The following GRIN2B variants were observed in gnomAD, a reference collection of about 807,000 sequenced individuals.
GRIN2B encodes glutamate ionotropic receptor NMDA type subunit 2B.
GRIN2B carries 5 observed loss-of-function variants against 114.5 expected under a neutral mutation model. That is an observed-to-expected ratio of 0.04 (90% CI 0.02 to 0.09). The LOEUF (loss-of-function observed/expected upper bound fraction) is 0.09. GRIN2B is among the 10% of genes least tolerant of loss of function. GRIN2B has a pLI of 1.00. For synonymous variants in GRIN2B, 787 were observed against 745.1 expected, an observed-to-expected ratio of 1.06 and a Z score of -0.92; for missense variants, 1,108 against 1,943.5, an observed-to-expected ratio of 0.57 and a Z score of 8.08.
At chr12:13,629,195 C>A (rs767977010) in intron 5 of GRIN2B, among the ~76,000 whole-genome samples, 9 of 152,188 alleles carry the variant, frequency 5.9e-5, no homozygotes, top group Non-Finnish European at 8.8e-5. Flanking sequence ...CCAGGGTCGA[C>A]CACTCTTCTA....
At chr12:13,625,549 A>G (rs1022558271) in intron 5 of GRIN2B, among the ~76,000 whole-genome samples, 1 of 152,260 alleles carries the variant, frequency 6.6e-6, no homozygotes, top group East Asian at 1.9e-4. Flanking sequence ...CCTTCTCATT[A>G]TAACTATTAC....
intron 3 of GRIN2B, among the ~76,000 whole-genome samples, chr12:13,758,998 A>AGTTTTTTTTTT (rs771891565): frequency 1.2e-5 from 1 of 85,624 alleles, no homozygotes; most frequent in African/African-American, 4.9e-5. Context: ...ATCTAGTTCA[A>AGTTTTTTTTTT]TTTTTTTTTT....
At chr12:13,838,218 T>A (rs1221126441) in intron 3 of GRIN2B, among the ~76,000 whole-genome samples, 1 of 152,102 alleles carries the variant, frequency 6.6e-6, no homozygotes, top group Non-Finnish European at 1.5e-5. Context: ...AAACACTACT[T>A]AAAATTCTCC....
At chr12:13,617,099 G>A (rs11055546) in intron 5 of GRIN2B, among the ~76,000 whole-genome samples, 33 of 152,310 alleles carry the variant, frequency 2.2e-4, no homozygotes, top group African/African-American at 5.5e-4. Context: ...ATGATGGTGA[G>A]AGCAGCAGAT....
chr12:13,860,949 A>G (rs761677297), intron 3 of GRIN2B, among the ~76,000 whole-genome samples: 1 of 152,104 alleles, frequency 6.6e-6, no homozygotes, highest in Non-Finnish European at 1.5e-5. Context: ...GTTGTCATTG[A>G]CTCTGTCATT....
At position 13,552,912 on chromosome 12, in the gene GRIN2B, A is replaced by G. The variant is rs1285705266; in HGVS notation, c.*9871T>C. ...GACTTTCTTCACTTTTTTTTTAAAAAAAGAGACTTGTCACTGCCTGTAACT... is the reference window on the plus strand; with the variant it reads ...GACTTTCTTCACTTTTTTTTTAAAAGAAGAGACTTGTCACTGCCTGTAACT... On this transcript the variant is annotated 3_prime_UTR_variant, in exon 14 of 14. Transcript: ENST00000609686. 7.2e-5 allele frequency: 11 copies of G among 152,092 alleles called. No homozygotes were observed. The allele number at this position is 152,092 out of a possible 1,614,324, so 9.4% of individuals were successfully genotyped here. A position where few individuals can be genotyped will look rare whatever the true frequency, so the allele number is the denominator to read the frequency against.
chr12:13,732,371 T>C (rs1483199956), intron 4 of GRIN2B, among the ~76,000 whole-genome samples: 3 of 152,204 alleles, frequency 2.0e-5, no homozygotes, highest in Non-Finnish European at 4.4e-5. Context: ...AATATAACCC[T>C]CACATAAACA....
intron 2 of GRIN2B, among the ~76,000 whole-genome samples, chr12:13,930,308 G>C (rs919368845): frequency 6.6e-6 from 1 of 152,110 alleles, no homozygotes; most frequent in African/African-American, 2.4e-5. Context: ...ATAAATACAT[G>C]GGATCTTGAT....
chr12:13,719,037 T>C (rs554196460), intron 4 of GRIN2B, among the ~76,000 whole-genome samples: 4 of 152,140 alleles, frequency 2.6e-5, no homozygotes, highest in East Asian at 3.9e-4. Context: ...CCCACCCACA[T>C]GCCTGTTGTC....
At chr12:13,877,853 A>G (rs746198542) in intron 2 of GRIN2B, among the ~76,000 whole-genome samples, 1 of 152,070 alleles carries the variant, frequency 6.6e-6, no homozygotes, top group Non-Finnish European at 1.5e-5. Flanking sequence ...ACTTGAGGTC[A>G]GGAGATTGAG....
At position 13,782,088 on chromosome 12, in the gene GRIN2B, A is replaced by C. The variant is rs77477965; in HGVS notation, c.412-28173T>G. Among the ~76,000 whole-genome samples the C allele has an allele frequency of 7.7e-3, 1,172 of 152,334 alleles. 19 individuals are homozygous for C. The highest frequency in any genetic ancestry group is 0.026 in the African/African-American group (1,100 of 41,578). On this transcript the variant is annotated intron_variant, in intron 3 of 13. Coordinates refer to ENST00000609686, the MANE Select transcript of GRIN2B (RefSeq NM_000834.5). ...AATTATGTCAACAGAGTTATGGGCT[A>C]GACTTTGAGCTAGTGAGGTTGAACG...
intron 2 of GRIN2B, among the ~76,000 whole-genome samples, chr12:13,912,853 G>C (rs1037819626): frequency 6.6e-6 from 1 of 152,012 alleles, no homozygotes; most frequent in Non-Finnish European, 1.5e-5. Context: ...AAGGTAAGAG[G>C]GGTCAGGATG....
intron 3 of GRIN2B, among the ~76,000 whole-genome samples, chr12:13,804,248 C>T (rs113687494): frequency 3.3e-5 from 5 of 149,284 alleles, no homozygotes; most frequent in African/African-American, 9.9e-5. Flanking sequence ...TTTTTTTCAC[C>T]GTACACTGCA....
chr12:13,791,988 C>T (rs1864330097), intron 3 of GRIN2B, among the ~76,000 whole-genome samples: 1 of 152,220 alleles, frequency 6.6e-6, no homozygotes, highest in Middle Eastern at 3.2e-3. Context: ...CCTCTGGTCA[C>T]AACTAATCTA....
chr12:13,555,516 C>T lies in GRIN2B; in HGVS notation c.*7267G>A, dbSNP rs542778809. 6.6e-6 allele frequency: 1 copy of T among 151,944 alleles called. No homozygotes were observed. Among genetic ancestry groups the T allele is most frequent in the Non-Finnish European group, 1.5e-5 (1 of 68,010 alleles). 9.4% of individuals were successfully genotyped at this position (151,944 alleles called of 1,614,324 possible). ...AGGACGGGTGTTTTTGAGATAGTTGCAGGTAGATGTGTGGAAGGAATTAAA... is the reference window on the plus strand; with the variant it reads ...AGGACGGGTGTTTTTGAGATAGTTGTAGGTAGATGTGTGGAAGGAATTAAA... On this transcript the variant is annotated 3_prime_UTR_variant, in exon 14 of 14. Transcript: ENST00000609686.
At position 13,638,932 on chromosome 12, in the gene GRIN2B, C is replaced by T. The variant is rs75777532; in HGVS notation, c.1126-22275G>A. ...ATGACAACCCATGGTGAAGATGAGC[C>T]CCTCTTTGCACGTTTGTTGTACCTC... On this transcript the variant is annotated intron_variant, in intron 5 of 13. Transcript: ENST00000609686. Among the ~76,000 whole-genome samples, 35 of 152,060 alleles carry T rather than the reference C, an allele frequency of 2.3e-4. 1 individual carries two copies. The East Asian group carries it at 6.8e-3, about 29-fold the overall frequency.
Position 13,615,344 on chromosome 12 carries a change from A to T in GRIN2B, c.1501-77T>A. 1 of 1,504,828 alleles carries T rather than the reference A, an allele frequency of 6.6e-7. No individual in the cohort carries two copies. The allele number at this position is 1,504,828 out of a possible 1,614,324, so 93.2% of individuals were successfully genotyped here. ...CACCACAAGGAAAATACAGCCTATC[A>T]GTGGTTTTCTTTGTATAGTGGGAAC... is the stretch of plus-strand genomic sequence containing the variant. On this transcript the variant is annotated intron_variant, in intron 7 of 13. Transcript: ENST00000609686. This position sits in a 1 kb window ranked among gnomAD's most constrained non-coding sequence, Gnocchi z 5.8.
At chr12:13,787,003 T>A (rs568251542) in intron 3 of GRIN2B, among the ~76,000 whole-genome samples, 15 of 152,292 alleles carry the variant, frequency 9.8e-5, no homozygotes, top group African/African-American at 3.4e-4. Flanking sequence ...CCAAGGAACC[T>A]TTGATAGACA....
intron 5 of GRIN2B, among the ~76,000 whole-genome samples, chr12:13,648,617 C>T (rs528212366): frequency 5.3e-5 from 8 of 151,982 alleles, no homozygotes; most frequent in East Asian, 3.9e-4. Flanking sequence ...TTGCAGTTAG[C>T]GCCTTTGACA....
Sources: gnomAD v4.1 joint callset for allele counts (sites outside exome capture counted in the v4.1 genomes callset) on GRCh38, gnomAD v4.1.1 for gene constraint, Gnocchi (gnomAD v3.1) non-coding constraint, MANE v1.5 for transcripts, NCBI Gene and HGNC (gene_info 2026-07-23, HGNC 2026-07-21) for gene names.